Variants in GPC5 observed in about 807,000 individuals in gnomAD.
The protein encoded by GPC5 is glypican 5, also known as glypican-5.
GPC5 carries 47 observed loss-of-function variants against 53.9 expected under a neutral mutation model. That is an observed-to-expected ratio of 0.87 (90% confidence interval 0.69 to 1.11). The LOEUF is 1.11. GPC5 is among the 50% of genes most tolerant of loss of function. GPC5 has a pLI of 0.00. For missense variants in GPC5, 748 were observed against 713.1 expected, an observed-to-expected ratio of 1.05 and a Z score of -0.56; for synonymous variants, 286 against 263.3, an observed-to-expected ratio of 1.09 and a Z score of -0.84.
chr13:92,036,203 C>A (rs1457691420), intron 6 of GPC5, among the ~76,000 whole-genome samples: 2 of 152,150 alleles, frequency 1.3e-5, no homozygotes, highest in Non-Finnish European at 2.9e-5. Flanking sequence ...ATACATCAAA[C>A]AGTCTTTTGC....
chr13:91,742,216 G>T (rs1187623249), intron 4 of GPC5, among the ~76,000 whole-genome samples: 1 of 152,100 alleles, frequency 6.6e-6, no homozygotes, highest in African/African-American at 2.4e-5. Flanking sequence ...CACAGGAAAA[G>T]CAAATGCCAG....
chr13:91,616,041 C>A (rs10492615), intron 2 of GPC5, among the ~76,000 whole-genome samples: 30,264 of 151,856 alleles, frequency 0.2, 3,186 homozygotes, highest in African/African-American at 0.26. Flanking sequence ...ATTATATTGA[C>A]AGATACTGGT....
At chr13:92,696,672 C>CT (rs770398635) in intron 7 of GPC5, among the ~76,000 whole-genome samples, 1 of 152,082 alleles carries the variant, frequency 6.6e-6, no homozygotes, top group Non-Finnish European at 1.5e-5. Flanking sequence ...ATGAAAGTTT[C>CT]TTTTGCTGTG....
At chr13:91,405,154 C>T (rs1877225593) in intron 1 of GPC5, among the ~76,000 whole-genome samples, 1 of 152,222 alleles carries the variant, frequency 6.6e-6, no homozygotes, top group Non-Finnish European at 1.5e-5. Context: ...CAAACTCCTA[C>T]ACAACTCATG....
chr13:92,144,717 A>T, intron 6 of GPC5, 113 bp from the exon 7 acceptor site: 1 of 992,162 alleles, frequency 1.0e-6, no homozygotes, highest in Non-Finnish European at 1.5e-6. Flanking sequence ...CTTGGTGTCT[A>T]CACCAAAAGA....
At chr13:92,536,855 A>G (rs899373859) in intron 7 of GPC5, among the ~76,000 whole-genome samples, 26 of 152,152 alleles carry the variant, frequency 1.7e-4, no homozygotes, top group African/African-American at 3.4e-4. Context: ...AATACAATAT[A>G]TCAAATTTTA....
chr13:91,977,988 GAA>G (rs10709344), intron 6 of GPC5, among the ~76,000 whole-genome samples: 4 of 144,186 alleles, frequency 2.8e-5, no homozygotes, highest in African/African-American at 1.1e-4. Context: ...AGAAAGAAAA[GAA>G]AAAAAAAATT....
chr13:92,864,788 T>C (rs917816919), intron 7 of GPC5, among the ~76,000 whole-genome samples: 3 of 152,158 alleles, frequency 2.0e-5, no homozygotes, highest in Non-Finnish European at 4.4e-5. Context: ...AAAATCAATA[T>C]GTCAGATCAG....
In GPC5 at chr13:92,847,807, C is replaced by A. The variant is rs1566443865; in HGVS notation, c.1562-18475C>A. On this transcript the variant is annotated intron_variant, in intron 7 of 7. Transcript: ENST00000377067. ...TTATTCAACGTGTATCAAGTGCTAA[C>A]TATATAGGGGCTCACCCTACACACA... Among the ~76,000 whole-genome samples, 6 of 152,082 alleles carry A rather than the reference C, an allele frequency of 3.9e-5. No individual in the cohort carries two copies. The South Asian group carries it at 1.2e-3, about 32-fold the overall frequency.
Position 92,636,017 on chromosome 13 carries a change from T to A in GPC5, c.1562-230265T>A, listed in dbSNP as rs577181275. Among the ~76,000 whole-genome samples the A allele has an allele frequency of 2.6e-4, 40 of 152,336 alleles. 1 individual carries two copies. In the South Asian group the frequency reaches 8.1e-3, roughly 31 times the overall value. On this transcript the variant is annotated intron_variant, in intron 7 of 7. Transcript: ENST00000377067. ...AAGACAAATGGAGATGAATTATAAA[T>A]AGAGTGAATAAATTAAAATGTCACC...
At chr13:91,467,636 C>T (rs1594126899) in intron 2 of GPC5, among the ~76,000 whole-genome samples, 1 of 151,876 alleles carries the variant, frequency 6.6e-6, no homozygotes, top group Non-Finnish European at 1.5e-5. Flanking sequence ...ATCCTTTATC[C>T]TTTTGTTTTT....
intron 7 of GPC5, among the ~76,000 whole-genome samples, chr13:92,606,174 G>C (rs1306742977): frequency 6.6e-6 from 1 of 151,916 alleles, no homozygotes; most frequent in African/African-American, 2.4e-5. Flanking sequence ...TGCCATGTTG[G>C]TGTGCTGCAC....
At chr13:92,856,705 C>T (rs1047760268) in intron 7 of GPC5, among the ~76,000 whole-genome samples, 3 of 151,776 alleles carry the variant, frequency 2.0e-5, no homozygotes, top group Non-Finnish European at 4.4e-5. Flanking sequence ...AAGCTGAGAG[C>T]CAAATCAATA....
At chr13:92,385,409 CACATATATAT>C (rs1238306206) in intron 7 of GPC5, among the ~76,000 whole-genome samples, 995 of 68,514 alleles carry the variant, frequency 0.015, 152 homozygotes, top group Admixed American at 0.08. Flanking sequence ...CACATATATA[CACATATATAT>C]ACATATATAC....
At chr13:92,776,269 C>A (rs1875800760) in intron 7 of GPC5, among the ~76,000 whole-genome samples, 1 of 152,088 alleles carries the variant, frequency 6.6e-6, no homozygotes, top group Non-Finnish European at 1.5e-5. Context: ...TCTCTTCCTC[C>A]CTCTGTCTCC....
chr13:92,219,935 C>T (rs1594009034), intron 7 of GPC5, among the ~76,000 whole-genome samples: 3 of 152,202 alleles, frequency 2.0e-5, no homozygotes, highest in South Asian at 4.2e-4. Flanking sequence ...GTGGTGTGTA[C>T]TTTCATTTTT....
intron 2 of GPC5, among the ~76,000 whole-genome samples, chr13:91,572,128 T>A (rs1346476708): frequency 7.0e-6 from 1 of 143,328 alleles, no homozygotes; most frequent in Non-Finnish European, 1.5e-5. Context: ...TATACGTGTG[T>A]ATATACACAT....
intron 7 of GPC5, among the ~76,000 whole-genome samples, chr13:92,806,447 G>A (rs139353109): frequency 6.6e-6 from 1 of 152,000 alleles, no homozygotes; most frequent in East Asian, 1.9e-4. Context: ...TTCCTTCAAG[G>A]ACTTTTCCTT....
intron 6 of GPC5, among the ~76,000 whole-genome samples, chr13:92,070,090 G>A (rs1359070471): frequency 6.6e-6 from 1 of 152,150 alleles, no homozygotes; most frequent in Non-Finnish European, 1.5e-5. Context: ...GAAAGGCAGA[G>A]ATATTTGAAA....
Sources: gnomAD v4.1 joint callset for allele counts (sites outside exome capture counted in the v4.1 genomes callset) on GRCh38, gnomAD v4.1.1 for gene constraint, MANE v1.5 for transcripts, NCBI Gene and HGNC (gene_info 2026-07-23, HGNC 2026-07-21) for gene names.